GPM6A: variants seen among roughly 807,000 people sequenced by gnomAD.
GPM6A encodes the protein glycoprotein M6A.
In GPM6A, 7 loss-of-function variants were observed where a neutral mutation model predicts 32.1. That is an observed-to-expected ratio of 0.22 (90% CI 0.12 to 0.41). The LOEUF (loss-of-function observed/expected upper bound fraction) is 0.41. GPM6A is among the 10% of genes least tolerant of loss of function. The probability of loss-of-function intolerance (pLI) is 1.00; values close to 1 mark genes in which losing one functional copy is unlikely to be tolerated. For synonymous variants in GPM6A, 130 were observed against 123.4 expected, an observed-to-expected ratio of 1.05 and a Z score of -0.35; for missense variants, 235 against 347.2, an observed-to-expected ratio of 0.68 and a Z score of 2.57.
chr4:175,762,464 T>C (rs1429700548), intron 1 of GPM6A, among the ~76,000 whole-genome samples: 2 of 152,218 alleles, frequency 1.3e-5, no homozygotes, highest in Non-Finnish European at 2.9e-5. Context: ...AAATTCACTA[T>C]ATTTAGCATC....
At chr4:175,878,727 G>A (rs1277756271) in intron 1 of GPM6A, among the ~76,000 whole-genome samples, 1 of 152,078 alleles carries the variant, frequency 6.6e-6, no homozygotes, top group Admixed American at 6.5e-5. Context: ...TGGTCTGGGT[G>A]GTTAACATTT....
chr4:175,911,372 T>C (rs1027474730), intron 1 of GPM6A, among the ~76,000 whole-genome samples: 1 of 151,990 alleles, frequency 6.6e-6, no homozygotes, highest in African/African-American at 2.4e-5. Context: ...TGGCAAGAGG[T>C]TTTTCATCCC....
At chr4:175,960,456 TG>T (rs1177852918) in intron 1 of GPM6A, among the ~76,000 whole-genome samples, 1 of 152,172 alleles carries the variant, frequency 6.6e-6, no homozygotes, top group Non-Finnish European at 1.5e-5. Flanking sequence ...TTTTAAGTTC[TG>T]GGACACTTGT....
intron 3 of GPM6A, among the ~76,000 whole-genome samples, chr4:175,656,988 G>A (rs1020828253): frequency 6.6e-5 from 10 of 152,178 alleles, no homozygotes; most frequent in African/African-American, 2.4e-4. Context: ...ATGTTCTGAT[G>A]TATCCAAAGT....
chr4:175,895,506 T>G (rs1370274244), intron 1 of GPM6A, among the ~76,000 whole-genome samples: 1 of 152,116 alleles, frequency 6.6e-6, no homozygotes, highest in African/African-American at 2.4e-5. Context: ...TGCAGAAAAT[T>G]TTGAAAACAC....
rs140314699 is a variant in GPM6A at position 175,682,821 on chromosome 4, T to A, written c.231-8985A>T. 6.5e-3 allele frequency among the ~76,000 whole-genome samples: 984 copies of A among 152,186 alleles called. 10 individuals are homozygous for A. Among genetic ancestry groups the A allele is most frequent in the African/African-American group, 0.022 (901 of 41,516 alleles). On this transcript the variant is annotated intron_variant, in intron 2 of 6. Coordinates refer to ENST00000393658, the MANE Select transcript of GPM6A (RefSeq NM_201591.3). ...CAGCCCCTGCCTAGATTTCAGAGGATGTATGAGAAAGCCTGGGTGCCCAGG... is the reference window on the plus strand; with the variant it reads ...CAGCCCCTGCCTAGATTTCAGAGGAAGTATGAGAAAGCCTGGGTGCCCAGG...
At chr4:175,909,003 A>T (rs1738221472) in intron 1 of GPM6A, among the ~76,000 whole-genome samples, 1 of 117,816 alleles carries the variant, frequency 8.5e-6, no homozygotes, top group African/African-American at 3.3e-5. Context: ...TATCCTGATC[A>T]CTGCATTTTG....
At chr4:175,998,289 G>A (rs1741372052) in intron 1 of GPM6A, among the ~76,000 whole-genome samples, 1 of 152,034 alleles carries the variant, frequency 6.6e-6, no homozygotes, top group Admixed American at 6.6e-5. Flanking sequence ...GAGTAGCTGG[G>A]ATTACAGGCG....
At chr4:175,969,361 C>T (rs1053025024) in intron 1 of GPM6A, among the ~76,000 whole-genome samples, 19 of 152,092 alleles carry the variant, frequency 1.2e-4, no homozygotes, top group African/African-American at 4.1e-4. Flanking sequence ...TGTCAAAACT[C>T]AAAGAATGTG....
intron 2 of GPM6A, among the ~76,000 whole-genome samples, chr4:175,692,481 T>G (rs1299894334): frequency 6.6e-6 from 1 of 152,166 alleles, no homozygotes; most frequent in East Asian, 1.9e-4. Context: ...TTACAAGCTA[T>G]TAAGCTTTTG....
chr4:175,929,766 C>A (rs559276415), intron 1 of GPM6A, among the ~76,000 whole-genome samples: 36 of 152,224 alleles, frequency 2.4e-4, no homozygotes, highest in African/African-American at 8.2e-4. Context: ...TTGATGCTTT[C>A]AGTTTAGTAA....
rs7697847 is a variant in GPM6A, at chr4:175,988,683, G to A, written c.-23+13626C>T. 8.7e-3 allele frequency among the ~76,000 whole-genome samples: 1,319 copies of A among 152,264 alleles called. 11 individuals carry two copies. The highest frequency in any genetic ancestry group is 0.03 in the African/African-American group (1,242 of 41,546). On this transcript the variant is annotated intron_variant, in intron 1 of 7. Coordinates refer to the GPM6A transcript ENST00000280187. ...ACCTAGAAGCTGTCATTGGTCTAAA[G>A]ATGCATGACAAAAGATTTGGCAAGT...
At chr4:175,692,929 T>C (rs928816911) in intron 2 of GPM6A, among the ~76,000 whole-genome samples, 4 of 152,134 alleles carry the variant, frequency 2.6e-5, no homozygotes, top group African/African-American at 9.6e-5. Context: ...CTCCATTTTA[T>C]ATATTTTTCT....
intron 1 of GPM6A, among the ~76,000 whole-genome samples, chr4:175,905,495 C>T (rs1738101539): frequency 6.6e-6 from 1 of 152,046 alleles, no homozygotes; most frequent in Admixed American, 6.6e-5. Context: ...TTGGACACCC[C>T]TGGAGATCAT....
At chr4:175,822,651 C>CTTTTTT (rs11446115) in intron 1 of GPM6A, among the ~76,000 whole-genome samples, 1 of 148,110 alleles carries the variant, frequency 6.8e-6, no homozygotes, top group Non-Finnish European at 1.5e-5. Flanking sequence ...TCTTTTCATG[C>CTTTTTT]TTTTTTTTTT....
At chr4:175,855,143 C>G (rs1736378436) in intron 1 of GPM6A, among the ~76,000 whole-genome samples, 1 of 151,996 alleles carries the variant, frequency 6.6e-6, no homozygotes, top group Non-Finnish European at 1.5e-5. Context: ...AGAAAAATTT[C>G]AAAATTTCTA....
chr4:175,868,043 T>C (rs1736794058), intron 1 of GPM6A, among the ~76,000 whole-genome samples: 1 of 152,212 alleles, frequency 6.6e-6, no homozygotes, highest in Non-Finnish European at 1.5e-5. Flanking sequence ...AAGGTGAATA[T>C]TGTGCCTTGT....
intron 3 of GPM6A, among the ~76,000 whole-genome samples, chr4:175,657,126 T>C (rs188157386): frequency 5.3e-5 from 8 of 152,316 alleles, no homozygotes; most frequent in African/African-American, 1.9e-4. Context: ...AGTGATATAT[T>C]CTGGTAGTAT....
intron 1 of GPM6A, among the ~76,000 whole-genome samples, chr4:175,836,942 A>G (rs991496513): frequency 1.3e-5 from 2 of 152,214 alleles, no homozygotes; most frequent in East Asian, 3.9e-4. Flanking sequence ...TCCACAGAAC[A>G]TGTAAATATA....
Sources: allele counts gnomAD v4.1 joint callset (sites outside exome capture counted in the v4.1 genomes callset), GRCh38; gene constraint gnomAD v4.1.1; transcripts MANE v1.5; gene names NCBI Gene and HGNC (gene_info 2026-07-23, HGNC 2026-07-21).